The following CDH13 variants were observed in gnomAD, a reference collection of about 807,000 sequenced individuals.
The protein encoded by CDH13 is cadherin-13.
A neutral mutation model predicts 63.8 loss-of-function variants in CDH13; 24 were observed. The observed-to-expected ratio is 0.38, with a 90% CI of 0.27 to 0.53. The LOEUF is 0.53. Among genes scored for constraint, CDH13 ranks in the 20% least tolerant of loss-of-function variants. The pLI, the probability that CDH13 is intolerant of heterozygous loss-of-function variation, is 0.85. For synonymous variants in CDH13, 503 were observed against 355.3 expected, an observed-to-expected ratio of 1.42 and a Z score of -4.67; for missense variants, 1,049 against 903.1, an observed-to-expected ratio of 1.16 and a Z score of -2.07.
rs181263432 is a variant in CDH13, at chr16:83,497,870, A to T, written c.960+11215A>T. Among the ~76,000 whole-genome samples the T allele has an allele frequency of 2.0e-3, 306 of 152,278 alleles. 2 individuals are homozygous for T. Among genetic ancestry groups the T allele is most frequent in the South Asian group, 0.016 (78 of 4,824 alleles). ...ATCTGAAGTCCACTCTCAAAATATT[A>T]ACTCACACTTATTAATCATCACCTT... is the stretch of plus-strand genomic sequence containing the variant. On this transcript the variant is annotated intron_variant, in intron 7 of 13. Transcript: ENST00000567109.
rs74617713 is a variant in CDH13, at chr16:82,952,594, C to A, written c.158-79416C>A. Reference sequence around the variant, plus strand: ...TGAATATAATAACAGTAGCTAATATCTGTTTACTTATTACCTGCTAGGCAA... The same window carrying A: ...TGAATATAATAACAGTAGCTAATATATGTTTACTTATTACCTGCTAGGCAA... On this transcript the variant is annotated intron_variant, in intron 2 of 13. Transcript: ENST00000567109. Among the ~76,000 whole-genome samples the A allele has an allele frequency of 8.9e-4, 136 of 152,284 alleles. 2 individuals are homozygous for A. In the East Asian group the frequency reaches 0.021, roughly 24 times the overall value.
At chr16:82,933,759 C>T (rs927541813) in intron 2 of CDH13, among the ~76,000 whole-genome samples, 1 of 152,166 alleles carries the variant, frequency 6.6e-6, no homozygotes, top group African/African-American at 2.4e-5. Flanking sequence ...CTGGCCAAAA[C>T]ATAGGGGCTA....
intron 1 of CDH13, among the ~76,000 whole-genome samples, chr16:82,807,759 C>A (rs1255514970): frequency 6.6e-6 from 1 of 152,112 alleles, no homozygotes; most frequent in East Asian, 1.9e-4. Flanking sequence ...CCAAACACCA[C>A]AATGGAGCAT....
rs1312949794 is a variant in CDH13 at position 82,962,114 on chromosome 16, T to C, written c.158-69896T>C. On this transcript the variant is annotated intron_variant, in intron 2 of 13. Coordinates refer to ENST00000567109, the MANE Select transcript of CDH13 (RefSeq NM_001257.5). ...TGAGCTTATTTGGCAAAAGAGTCTT[T>C]GCAGAGGTAATTAAGTTGGGGGTCT... Among the ~76,000 whole-genome samples the C allele has an allele frequency of 2.0e-5, 3 of 152,356 alleles. No individual in the cohort carries two copies. In the East Asian group the frequency reaches 5.8e-4, roughly 29 times the overall value.
At chr16:83,292,536 T>G (rs1239624587) in intron 5 of CDH13, among the ~76,000 whole-genome samples, 1 of 152,174 alleles carries the variant, frequency 6.6e-6, no homozygotes, top group Non-Finnish European at 1.5e-5. Context: ...CTTTTTGTTT[T>G]GCAGCCTCTA....
At chr16:83,285,519 AC>A (rs1274654757) in intron 5 of CDH13, among the ~76,000 whole-genome samples, 1 of 152,148 alleles carries the variant, frequency 6.6e-6, no homozygotes, top group African/African-American at 2.4e-5. Context: ...GGAAAAAAAA[AC>A]AGTAAAAATA....
At chr16:83,435,564 T>C (rs890209514) in intron 6 of CDH13, among the ~76,000 whole-genome samples, 1 of 152,140 alleles carries the variant, frequency 6.6e-6, no homozygotes, top group Non-Finnish European at 1.5e-5. Flanking sequence ...TAGTCCACCC[T>C]GGTCTCCCTG....
At chr16:83,646,712 A>AAAAAACACACACACAC (rs1168012793) in intron 8 of CDH13, among the ~76,000 whole-genome samples, 1 of 80,490 alleles carries the variant, frequency 1.2e-5, no homozygotes, top group African/African-American at 4.5e-5. Flanking sequence ...AAAAAAAAAA[A>AAAAAACACACACACAC]ACACACACAC....
intron 7 of CDH13, among the ~76,000 whole-genome samples, chr16:83,558,699 T>G (rs1362097695): frequency 1.3e-5 from 2 of 152,218 alleles, no homozygotes; most frequent in African/African-American, 4.8e-5. Context: ...ATTAATTTAG[T>G]TGACATCATT....
intron 2 of CDH13, among the ~76,000 whole-genome samples, chr16:82,893,827 C>G (rs748473183): frequency 6.6e-6 from 1 of 152,140 alleles, no homozygotes; most frequent in African/African-American, 2.4e-5. Context: ...TGCCTTCTTT[C>G]CATGTGACTT....
Position 83,121,972 on chromosome 16 carries a change from AC to A in CDH13, c.367-3412del, listed in dbSNP as rs1567851095. Among the ~76,000 whole-genome samples, 612 of 150,772 alleles carry A rather than the reference AC, an allele frequency of 4.1e-3. 5 individuals are homozygous for A. Among genetic ancestry groups the A allele is most frequent in the African/African-American group, 0.014 (576 of 40,416 alleles). On this transcript the variant is annotated intron_variant, in intron 3 of 13. Transcript: ENST00000567109. ...TTTCCTTTAAAACTGTCACACACAC[AC>A]ACACACACACACACACACACACTTT...
chr16:82,976,834 T>A lies in CDH13; in HGVS notation c.158-55176T>A, dbSNP rs571908215. ...CTAGCTAGCCAGGTGGTACTCGGAG[T>A]TGGCATTTCTGTTGCTCAGGCCGGG... On this transcript the variant is annotated intron_variant, in intron 2 of 13. Transcript: ENST00000567109. Among the ~76,000 whole-genome samples the A allele has an allele frequency of 6.6e-5, 10 of 152,226 alleles. No homozygotes were observed. In the South Asian group the frequency reaches 1.9e-3, roughly 28 times the overall value.
chr16:82,962,475 G>C (rs1441311994), intron 2 of CDH13, among the ~76,000 whole-genome samples: 1 of 152,170 alleles, frequency 6.6e-6, no homozygotes, highest in Non-Finnish European at 1.5e-5. Flanking sequence ...ATAGGAAACC[G>C]ATCAGATGCC....
At chr16:83,683,110 A>C (rs916256259) in intron 10 of CDH13, among the ~76,000 whole-genome samples, 4 of 152,218 alleles carry the variant, frequency 2.6e-5, no homozygotes, top group African/African-American at 7.2e-5. Context: ...CTTGATCTCC[A>C]AGGAACCTGT....
chr16:83,373,492 A>G (rs1378073921), intron 6 of CDH13, among the ~76,000 whole-genome samples: 1 of 152,180 alleles, frequency 6.6e-6, no homozygotes, highest in African/African-American at 2.4e-5. Context: ...TGAAAGAGTA[A>G]GGCATGATCT....
chr16:83,705,162 A>C (rs1016898195), intron 10 of CDH13, among the ~76,000 whole-genome samples: 4 of 152,218 alleles, frequency 2.6e-5, no homozygotes, highest in African/African-American at 9.6e-5. Flanking sequence ...TCATTCTTAT[A>C]GGTTAATAAG....
At chr16:83,764,587 AC>A (rs1914235251) in intron 11 of CDH13, among the ~76,000 whole-genome samples, 1 of 151,628 alleles carries the variant, frequency 6.6e-6, no homozygotes, top group South Asian at 2.1e-4. Context: ...CTCAAGCAAG[AC>A]CCCTTCCTCT....
intron 1 of CDH13, among the ~76,000 whole-genome samples, chr16:82,781,652 C>G (rs1275240368): frequency 1.3e-5 from 2 of 152,172 alleles, no homozygotes; most frequent in African/African-American, 4.8e-5. Context: ...ACCTATCAGT[C>G]CATCTATCTA....
chr16:82,687,548 G>A (rs554677026), intron 1 of CDH13, among the ~76,000 whole-genome samples: 5 of 152,224 alleles, frequency 3.3e-5, no homozygotes, highest in Middle Eastern at 3.4e-3. Flanking sequence ...GAGAGCATGT[G>A]CAGGGGAACT....
Sources: gnomAD v4.1 joint callset for allele counts (sites outside exome capture counted in the v4.1 genomes callset) on GRCh38, gnomAD v4.1.1 for gene constraint, MANE v1.5 for transcripts, NCBI Gene and HGNC (gene_info 2026-07-23, HGNC 2026-07-21) for gene names.